Variants in DTWD2 observed in about 807,000 individuals in gnomAD.
The protein encoded by DTWD2 is DTW motif tRNA-uridine aminocarboxypropyltransferase 2.
DTWD2 carries 39 observed loss-of-function variants against 31.8 expected under a neutral mutation model. The ratio of observed to expected loss-of-function variants is 1.22; its 90% CI spans 0.95 to 1.60. The LOEUF (loss-of-function observed/expected upper bound fraction) is 1.60. Ranked by LOEUF, DTWD2 falls within the 40% of genes most tolerant of loss-of-function variation. DTWD2 has a pLI of 0.00. For missense variants in DTWD2, 515 were observed against 381.5 expected (o/e 1.35, Z -2.92); for synonymous variants, 180 against 142.8 (o/e 1.26, Z -1.86).
chr5:118,843,996 C>T (rs1190226371), intron 5 of DTWD2, among the ~76,000 whole-genome samples: 1 of 152,202 alleles, frequency 6.6e-6, no homozygotes, highest in Admixed American at 6.5e-5. Context: ...ACCTTCCTTG[C>T]TCCTTCCTTG....
chr5:118,904,164 C>T (rs1042551863), intron 4 of DTWD2, among the ~76,000 whole-genome samples: 3 of 152,028 alleles, frequency 2.0e-5, no homozygotes, highest in African/African-American at 7.2e-5. Context: ...TATGCTGTCA[C>T]AGACTGTTAG....
At chr5:118,988,055 T>C (rs1755468086) in intron 1 of DTWD2, 6 of 710,186 alleles carry the variant, frequency 8.4e-6, no homozygotes, top group Non-Finnish European at 2.5e-6. Flanking sequence ...TGATGTCTGC[T>C]CATCCCATGA....
chr5:118,853,856 A>C (rs116759475), intron 4 of DTWD2, among the ~76,000 whole-genome samples: 2,321 of 152,274 alleles, frequency 0.015, 61 homozygotes, highest in African/African-American at 0.053. Flanking sequence ...GTACCCTCTG[A>C]ATCTACGAAG....
At chr5:118,885,786 AATAAAAAATAAAT>A (rs1052737207) in intron 4 of DTWD2, among the ~76,000 whole-genome samples, 3 of 151,148 alleles carry the variant, frequency 2.0e-5, no homozygotes, top group Non-Finnish European at 4.4e-5. Context: ...AAATAAAAAT[AATAAAAAATAAAT>A]ATAAAAAATA....
chr5:118,956,698 C>CTT (rs975207888), intron 1 of DTWD2, among the ~76,000 whole-genome samples: 1 of 152,062 alleles, frequency 6.6e-6, no homozygotes, highest in African/African-American at 2.4e-5. Flanking sequence ...TACAAGTACT[C>CTT]TTTTTAAAGA....
At chr5:118,903,345 T>A (rs1355527398) in intron 4 of DTWD2, among the ~76,000 whole-genome samples, 3 of 151,926 alleles carry the variant, frequency 2.0e-5, no homozygotes, top group Non-Finnish European at 4.4e-5. Context: ...GGGACAGAAA[T>A]TATGAGAGAC....
intron 4 of DTWD2, among the ~76,000 whole-genome samples, chr5:118,877,108 G>C (rs1280215028): frequency 6.6e-6 from 1 of 152,118 alleles, no homozygotes; most frequent in Non-Finnish European, 1.5e-5. Flanking sequence ...CAGAACTAAA[G>C]GCAAATATAC....
chr5:118,871,042 T>A (rs145328925), intron 4 of DTWD2, among the ~76,000 whole-genome samples: 100 of 152,020 alleles, frequency 6.6e-4, no homozygotes, highest in African/African-American at 2.4e-3. Context: ...ATATTCTAAA[T>A]CTTTTGTAGT....
At position 118,919,358 on chromosome 5, in the gene DTWD2, G is replaced by A. The variant is rs192714774; in HGVS notation, c.597+9179C>T. Among the ~76,000 whole-genome samples, 6 of 152,296 alleles carry A rather than the reference G, an allele frequency of 3.9e-5. No individual in the cohort carries two copies. The South Asian group carries it at 1.0e-3, about 26-fold the overall frequency. Reference sequence around the variant, plus strand: ...GTGGAGAGAAGAAAACGGTCTCTAGGTTTTTAAAACCCTTGAAGTATGAGC... The same window carrying A: ...GTGGAGAGAAGAAAACGGTCTCTAGATTTTTAAAACCCTTGAAGTATGAGC... On this transcript the variant is annotated intron_variant, in intron 4 of 5. Coordinates refer to ENST00000510708, the MANE Select transcript of DTWD2 (RefSeq NM_173666.4).
chr5:118,863,893 A>T (rs1432007403), intron 4 of DTWD2, among the ~76,000 whole-genome samples: 1 of 151,950 alleles, frequency 6.6e-6, no homozygotes, highest in Non-Finnish European at 1.5e-5. Context: ...ACTGGCTAAT[A>T]AAAGGGTTGA....
At chr5:118,856,861 C>T (rs575822193) in intron 4 of DTWD2, among the ~76,000 whole-genome samples, 2 of 146,312 alleles carry the variant, frequency 1.4e-5, no homozygotes, top group African/African-American at 2.5e-5. Context: ...CAACCTCTGC[C>T]TCCTGGGCTC....
intron 3 of DTWD2, among the ~76,000 whole-genome samples, chr5:118,929,293 A>C (rs1753873074): frequency 6.6e-6 from 1 of 152,236 alleles, no homozygotes; most frequent in African/African-American, 2.4e-5. Flanking sequence ...CTATCTTAAT[A>C]GGCAGACAAG....
intron 4 of DTWD2, among the ~76,000 whole-genome samples, chr5:118,851,814 A>G (rs968095411): frequency 1.3e-5 from 2 of 150,922 alleles, no homozygotes; most frequent in African/African-American, 2.5e-5. Flanking sequence ...CATTGTGCAC[A>G]TGTACCCTAA....
chr5:118,895,473 A>T (rs1753065587), intron 4 of DTWD2, among the ~76,000 whole-genome samples: 1 of 152,228 alleles, frequency 6.6e-6, no homozygotes, highest in Non-Finnish European at 1.5e-5. Context: ...TCCTTACCAA[A>T]TACTAATGAC....
intron 5 of DTWD2, among the ~76,000 whole-genome samples, chr5:118,841,400 T>A (rs1456921266): frequency 6.6e-6 from 1 of 152,188 alleles, no homozygotes; most frequent in Non-Finnish European, 1.5e-5. Flanking sequence ...CCATTATAAT[T>A]GAATCCATAA....
At chr5:118,902,637 T>TC (rs1580796478) in intron 4 of DTWD2, among the ~76,000 whole-genome samples, 1 of 152,136 alleles carries the variant, frequency 6.6e-6, no homozygotes, top group Non-Finnish European at 1.5e-5. Context: ...AACTTTTTTT[T>TC]CAATTACAAC....
intron 4 of DTWD2, among the ~76,000 whole-genome samples, chr5:118,884,501 T>C (rs971282077): frequency 2.6e-5 from 4 of 152,210 alleles, no homozygotes; most frequent in African/African-American, 9.7e-5. Context: ...ACAAAGTTCA[T>C]CAAATACATA....
intron 1 of DTWD2, among the ~76,000 whole-genome samples, chr5:118,986,547 G>A (rs1179486375): frequency 2.6e-5 from 4 of 152,094 alleles, no homozygotes; most frequent in Non-Finnish European, 4.4e-5. Flanking sequence ...GTGACTCAAT[G>A]ATCAATCAAA....
At chr5:118,843,463 C>A (rs1277822490) in intron 5 of DTWD2, among the ~76,000 whole-genome samples, 1 of 151,786 alleles carries the variant, frequency 6.6e-6, no homozygotes. Flanking sequence ...ATGCATGTTC[C>A]CGTAATTTAT....
Sources: gnomAD v4.1 joint callset for allele counts (sites outside exome capture counted in the v4.1 genomes callset) on GRCh38, gnomAD v4.1.1 for gene constraint, MANE v1.5 for transcripts, NCBI Gene and HGNC (gene_info 2026-07-23, HGNC 2026-07-21) for gene names.